Variants in WASF3 observed in about 807,000 individuals in gnomAD.
WASF3 encodes the protein WASP family member 3.
WASF3 carries 11 observed loss-of-function variants against 46.6 expected under a neutral mutation model. The ratio of observed to expected loss-of-function variants is 0.24; its 90% confidence interval spans 0.15 to 0.39. The LOEUF (loss-of-function observed/expected upper bound fraction) is 0.39. WASF3 is among the 10% of genes least tolerant of loss of function. The probability of loss-of-function intolerance (pLI) is 1.00; values close to 1 mark genes in which losing one functional copy is unlikely to be tolerated. For synonymous variants in WASF3, 242 were observed against 259.7 expected, an observed-to-expected ratio of 0.93 and a Z score of 0.65; for missense variants, 576 against 669.8, an observed-to-expected ratio of 0.86 and a Z score of 1.55.
chr13:26,584,482 A>G (rs577643612), intron 1 of WASF3, among the ~76,000 whole-genome samples: 4 of 152,344 alleles, frequency 2.6e-5, no homozygotes, highest in Non-Finnish European at 4.4e-5. Flanking sequence ...GTTAATCTGT[A>G]TTGGTAAACG....
At chr13:26,602,071 G>A (rs138478896) in intron 1 of WASF3, among the ~76,000 whole-genome samples, 2 of 152,264 alleles carry the variant, frequency 1.3e-5, no homozygotes, top group African/African-American at 4.8e-5. Flanking sequence ...ATTTTAAGGG[G>A]AGGTATGGTT....
At chr13:26,651,433 A>ATG (rs1882313647) in intron 3 of WASF3, among the ~76,000 whole-genome samples, 1 of 152,230 alleles carries the variant, frequency 6.6e-6, no homozygotes, top group African/African-American at 2.4e-5. Context: ...GAAGGGAACA[A>ATG]TGTTAAGGAT....
intron 2 of WASF3, among the ~76,000 whole-genome samples, chr13:26,615,704 G>A (rs908969727): frequency 6.6e-6 from 1 of 152,176 alleles, no homozygotes; most frequent in African/African-American, 2.4e-5. Context: ...TTTGAAATAT[G>A]TATACACCCA....
intron 1 of WASF3, among the ~76,000 whole-genome samples, chr13:26,559,817 T>TC (rs770030483): frequency 0.042 from 4,231 of 100,972 alleles, 147 homozygotes; most frequent in South Asian, 0.051. Flanking sequence ...TCTTTTTTTT[T>TC]TTTTTTTTTT....
At chr13:26,674,740 G>A (rs1360090894) in intron 6 of WASF3, among the ~76,000 whole-genome samples, 2 of 152,022 alleles carry the variant, frequency 1.3e-5, no homozygotes, top group African/African-American at 2.4e-5. Flanking sequence ...CTCTACTTAG[G>A]TGCAGATAAT....
intron 1 of WASF3, among the ~76,000 whole-genome samples, chr13:26,584,922 C>G (rs1315128288): frequency 6.6e-6 from 1 of 152,072 alleles, no homozygotes; most frequent in Non-Finnish European, 1.5e-5. Flanking sequence ...GCTGATAGTT[C>G]TGATAACTCA....
chr13:26,626,311 T>C (rs1436523154), intron 2 of WASF3: 1 of 152,284 alleles, frequency 6.6e-6, no homozygotes, highest in Non-Finnish European at 1.5e-5. Context: ...TGCGATGTCA[T>C]CTGGGGGATG....
intron 2 of WASF3, among the ~76,000 whole-genome samples, chr13:26,632,682 C>A (rs1254238124): frequency 6.6e-6 from 1 of 152,180 alleles, no homozygotes; most frequent in African/African-American, 2.4e-5. Context: ...TGATGCTGGC[C>A]CCATAAAATG....
At chr13:26,603,958 TG>T (rs1424609602) in intron 1 of WASF3, among the ~76,000 whole-genome samples, 3 of 152,188 alleles carry the variant, frequency 2.0e-5, no homozygotes, top group Non-Finnish European at 4.4e-5. Context: ...TTCACACTGG[TG>T]ATACTCCTAG....
At chr13:26,602,595 G>C (rs751202299) in intron 1 of WASF3, among the ~76,000 whole-genome samples, 4 of 152,082 alleles carry the variant, frequency 2.6e-5, no homozygotes, top group Non-Finnish European at 5.9e-5. Flanking sequence ...TCCCCTGTGG[G>C]TACAGGTTTA....
At chr13:26,583,440 A>G (rs1319072130) in intron 1 of WASF3, among the ~76,000 whole-genome samples, 2 of 152,226 alleles carry the variant, frequency 1.3e-5, no homozygotes, top group Admixed American at 6.5e-5. Flanking sequence ...CAAAATGGAA[A>G]TACTTAAAGA....
chr13:26,648,503 G>A (rs1882217842), intron 3 of WASF3, among the ~76,000 whole-genome samples: 1 of 152,162 alleles, frequency 6.6e-6, no homozygotes, highest in African/African-American at 2.4e-5. Flanking sequence ...TTAAAGGCAT[G>A]CGCTGAATAA....
intron 2 of WASF3, among the ~76,000 whole-genome samples, chr13:26,615,434 G>A (rs1313826539): frequency 6.6e-6 from 1 of 151,876 alleles, no homozygotes; most frequent in Non-Finnish European, 1.5e-5. Context: ...TCAGCCTCCC[G>A]AGTAGCTGGG....
chr13:26,662,107 C>T lies in WASF3; in HGVS notation c.134-2921C>T, dbSNP rs60291432. Among the ~76,000 whole-genome samples, 827 of 152,196 alleles carry T rather than the reference C, an allele frequency of 5.4e-3. 10 individuals are homozygous for T. The highest frequency in any genetic ancestry group is 0.019 in the African/African-American group (773 of 41,524). The stretch of plus-strand genomic sequence containing the variant: ...ACCAGGCAAGGGCAGAAATGAGGTG[C>T]GGCCAGTTAGAAAGGCTACTATTAA... On this transcript the variant is annotated intron_variant, in intron 3 of 9. Transcript: ENST00000335327.
intron 5 of WASF3, among the ~76,000 whole-genome samples, chr13:26,671,397 A>G (rs1345498649): frequency 6.6e-6 from 1 of 152,194 alleles, no homozygotes; most frequent in Non-Finnish European, 1.5e-5. Flanking sequence ...AATTGAACTT[A>G]TAGATGTTGG....
At chr13:26,649,404 T>G (rs1882245876) in intron 3 of WASF3, among the ~76,000 whole-genome samples, 1 of 152,178 alleles carries the variant, frequency 6.6e-6, no homozygotes, top group South Asian at 2.1e-4. Context: ...TATGAAAAAT[T>G]TATTGAAGGG....
chr13:26,614,157 A>T (rs1881063438), intron 2 of WASF3, among the ~76,000 whole-genome samples: 2 of 152,206 alleles, frequency 1.3e-5, no homozygotes. Flanking sequence ...CATAAGGTAG[A>T]AGAAAGGCTA....
chr13:26,554,084 C>CTTTTCTTTCTTTCT, upstream of WASF3, among the ~76,000 whole-genome samples: 2 of 36,232 alleles, frequency 5.5e-5, no homozygotes, highest in East Asian at 1.3e-3. Flanking sequence ...TCCTTCCTTC[C>CTTTTCTTTCTTTCT]TTCCTTCCTT....
chr13:26,608,538 A>G (rs964902999), intron 1 of WASF3, among the ~76,000 whole-genome samples: 14 of 152,134 alleles, frequency 9.2e-5, no homozygotes, highest in African/African-American at 3.1e-4. Flanking sequence ...TCCCCACCAG[A>G]TAAACTTTCT....
Sources: gnomAD v4.1 joint callset for allele counts (sites outside exome capture counted in the v4.1 genomes callset) on GRCh38, gnomAD v4.1.1 for gene constraint, MANE v1.5 for transcripts, NCBI Gene and HGNC (gene_info 2026-07-23, HGNC 2026-07-21) for gene names.